RNF126: variants seen among roughly 807,000 people sequenced by gnomAD.
The protein encoded by RNF126 is ring finger protein 126.
In RNF126, 20 loss-of-function variants were observed where a neutral mutation model predicts 41.9. The ratio of observed to expected loss-of-function variants is 0.48; its 90% CI spans 0.34 to 0.69. The LOEUF is 0.69. Among genes scored for constraint, RNF126 ranks in the 30% least tolerant of loss-of-function variants. The pLI, the probability that RNF126 is intolerant of heterozygous loss-of-function variation, is 0.01. For missense variants in RNF126, 433 were observed against 460.6 expected (o/e 0.94, Z 0.55); for synonymous variants, 239 against 202.9 (o/e 1.18, Z -1.51).
intron 6 of RNF126, chr19:649,222 G>GGGGA (rs896158768): frequency 2.7e-5 from 7 of 255,524 alleles, no homozygotes; most frequent in African/African-American, 1.3e-4. Flanking sequence ...CAGCGGAATG[G>GGGGA]GGGGGGGGGC....
At position 659,658 on chromosome 19, in the gene RNF126, C is replaced by T. The variant is rs7245869; in HGVS notation, c.75+3389G>A. Among the ~76,000 whole-genome samples, 13,566 of 152,188 alleles carry T rather than the reference C, an allele frequency of 0.089. 1,116 individuals carry two copies. Among genetic ancestry groups the T allele is most frequent in the East Asian group, 0.44 (2,244 of 5,136 alleles). The stretch of plus-strand genomic sequence containing the variant: ...AGGCTCGAGTCTGGGTCTGCGCAGC[C>T]GCCTGTGGCCTGAGCTCCAGCTGGC... On this transcript the variant is annotated intron_variant, in intron 1 of 8. Coordinates refer to ENST00000292363, the MANE Select transcript of RNF126 (RefSeq NM_194460.3). This position sits in a 1 kb window ranked among gnomAD's most constrained non-coding sequence, Gnocchi z 4.9.
intron 2 of RNF126, 51 bp from the exon 3 acceptor site, chr19:652,347 G>C: frequency 6.9e-7 from 1 of 1,443,570 alleles, no homozygotes; most frequent in Non-Finnish European, 9.4e-7. Flanking sequence ...GCCCCCATGC[G>C]CCAGGCGCTC....
rs559335765 is a variant in RNF126 at position 651,488 on chromosome 19, C to T, written c.443+123G>A. The T allele has an allele frequency of 1.5e-4, 149 of 1,011,190 alleles. 1 individual carries two copies. The highest frequency in any genetic ancestry group is 4.1e-4 in the South Asian group (17 of 41,092). The allele number at this position is 1,011,190 out of a possible 1,614,324, so 62.6% of individuals were successfully genotyped here. A position where few individuals can be genotyped will look rare whatever the true frequency, so the allele number is the denominator to read the frequency against. ...CAGGGGGCTGGAGGGCCTGGCCGGG[C>T]GGCCTCTCCAGAGAGCCTATGGATG... is the stretch of plus-strand genomic sequence containing the variant. On this transcript the variant is annotated intron_variant, in intron 4 of 8. Coordinates refer to ENST00000292363, the MANE Select transcript of RNF126 (RefSeq NM_194460.3).
In RNF126 at chr19:648,010, C is replaced by T. The variant is rs528499741; in HGVS notation, c.*118G>A. 7.2e-6 allele frequency: 9 copies of T among 1,244,104 alleles called. No individual in the cohort carries two copies. The East Asian group carries it at 2.3e-4, about 32-fold the overall frequency. The allele number at this position is 1,244,104 out of a possible 1,614,324, so 77.1% of individuals were successfully genotyped here. A position where few individuals can be genotyped will look rare whatever the true frequency, so the allele number is the denominator to read the frequency against. ...GGTCCTGCCCTGGAACAGGCGGGAC[C>T]TGCAGCGCTGACCAGCCAAGCGTGG... is the stretch of plus-strand genomic sequence containing the variant. On this transcript the variant is annotated 3_prime_UTR_variant, in exon 9 of 9. Transcript: ENST00000292363.
At chr19:653,143 G>A (rs537386841) in intron 1 of RNF126, among the ~76,000 whole-genome samples, 25 of 149,944 alleles carry the variant, frequency 1.7e-4, no homozygotes, top group East Asian at 7.8e-4. Flanking sequence ...CGTCACCAGC[G>A]TCATCAGCGC....
intron 1 of RNF126, among the ~76,000 whole-genome samples, chr19:657,709 G>A (rs963024768): frequency 2.0e-5 from 3 of 152,196 alleles, no homozygotes; most frequent in African/African-American, 4.8e-5. Context: ...CAACTCCTGC[G>A]TATTGTCAGG....
At chr19:652,680 G>T in intron 2 of RNF126, 146 bp downstream of exon 2, 1 of 734,682 alleles carries the variant, frequency 1.4e-6, no homozygotes, top group African/African-American at 1.8e-5. Flanking sequence ...GCTGCTGTCT[G>T]CACAGAGAAA....
intron 1 of RNF126, among the ~76,000 whole-genome samples, chr19:662,610 G>A (rs1292562663): frequency 6.6e-6 from 1 of 152,104 alleles, no homozygotes; most frequent in African/African-American, 2.4e-5. Flanking sequence ...CTCGGGGTCC[G>A]AGCCCCGCCA....
At chr19:661,179 C>T (rs1245509904) in intron 1 of RNF126, among the ~76,000 whole-genome samples, 1 of 152,198 alleles carries the variant, frequency 6.6e-6, no homozygotes, top group Admixed American at 6.5e-5. Context: ...GGCCACGGGG[C>T]GAGGAAGTGG....
Position 649,550 on chromosome 19 carries a change from C to G in RNF126, c.576+129G>C. 2.8e-6 allele frequency: 2 copies of G among 703,182 alleles called. 1 individual carries two copies. The highest frequency in any genetic ancestry group is 3.6e-5 in the South Asian group (2 of 55,560). 43.6% of individuals were successfully genotyped at this position (703,182 alleles called of 1,614,324 possible). ...GAGCTGCCCCCTGTGCCCGCCAGAG[C>G]GTGGAGGCTGTGCCCGCATCCCCTT... On this transcript the variant is annotated intron_variant, in intron 6 of 8. Transcript: ENST00000292363.
In RNF126 at chr19:648,380, G is replaced by A; in HGVS notation, c.778C>T (p.Leu260=). ...GTGGGCGGGGCACTCACCTGCTCCA[G>A]CCAGGGCACGATGCAGCCGTCGTGG... The part of the protein sequence containing the change: ...LFHDGCIVPW[L]EQHDSCPVCR... Residue 260 remains leucine, a synonymous_variant, in exon 8 of 9, where the codon CTG becomes TTG. Coordinates refer to ENST00000292363, the MANE Select transcript of RNF126 (RefSeq NM_194460.3). 1.9e-6 allele frequency: 3 copies of A among 1,544,742 alleles called. No homozygotes were observed. The highest frequency in any genetic ancestry group is 2.6e-6 in the Non-Finnish European group (3 of 1,150,034).
chr19:662,892 G>C (rs1025416758), intron 1 of RNF126, among the ~76,000 whole-genome samples, 155 bp downstream of exon 1: 1 of 152,040 alleles, frequency 6.6e-6, no homozygotes, highest in Non-Finnish European at 1.5e-5. Flanking sequence ...GCTCCCCGCG[G>C]ATTCAGCCTG....
intron 1 of RNF126, among the ~76,000 whole-genome samples, chr19:654,137 T>C (rs1037046786): frequency 6.6e-6 from 1 of 152,200 alleles, no homozygotes; most frequent in Non-Finnish European, 1.5e-5. Flanking sequence ...CACCACGCCG[T>C]GCCTGCCTCA....
At position 659,582 on chromosome 19, in the gene RNF126, C is replaced by G. The variant is rs1176773426; in HGVS notation, c.75+3465G>C. 6.6e-6 allele frequency among the ~76,000 whole-genome samples: 1 copy of G among 152,162 alleles called. No homozygotes were observed. The highest frequency in any genetic ancestry group is 2.4e-5 in the African/African-American group (1 of 41,420). ...GTTCCTGGGGGCTCAGTGCCCTCAG[C>G]AGCTCTCGCCCACACCCTACAGTCA... On this transcript the variant is annotated intron_variant, in intron 1 of 8. Transcript: ENST00000292363. The surrounding 1 kb of genome is among the most constrained non-coding windows in gnomAD (Gnocchi z 4.9).
At chr19:652,498 C>T in intron 2 of RNF126, 2 of 598,588 alleles carry the variant, frequency 3.3e-6, no homozygotes, top group Non-Finnish European at 5.9e-6. Flanking sequence ...TAAACCGGTG[C>T]AGACCCCAAC....
Position 651,650 on chromosome 19 carries a change from C to T in RNF126, c.404G>A (p.Arg135Gln), listed in dbSNP as rs559561153. The T allele has an allele frequency of 1.1e-4, 170 of 1,513,722 alleles. 1 individual carries two copies. The highest frequency in any genetic ancestry group is 1.4e-4 in the Non-Finnish European group (153 of 1,131,662). The allele number at this position is 1,513,722 out of a possible 1,614,324, so 93.8% of individuals were successfully genotyped here. A position where few individuals can be genotyped will look rare whatever the true frequency, so the allele number is the denominator to read the frequency against. The change falls in exon 4 of 9, where the codon CGG becomes CAG. Residue 135 changes from arginine to glutamine, a missense_variant. Physicochemically the swap from Arg to Gln is conservative, Grantham distance 43. Transcript: ENST00000292363. ...GACGCCTTCGTGCCGGCCGGTGGCC[C>T]GCCGCGTGGTGAGGCGGGCGCGGGG... ...RQPRARLTTR[R>Q]ATGRHEGVPT... is the part of the protein sequence containing the mutation.
At position 656,771 on chromosome 19, in the gene RNF126, C is replaced by T. The variant is rs570171549; in HGVS notation, c.76-3887G>A. On this transcript the variant is annotated intron_variant, in intron 1 of 8. Transcript: ENST00000292363. ...GGCCGTGACAACTCTCCCCAGGCGT[C>T]GGTTCTTGGGGTGTGTTTGGGGTGT... Among the ~76,000 whole-genome samples, 658 of 152,288 alleles carry T rather than the reference C, an allele frequency of 4.3e-3. 7 individuals carry two copies. The highest frequency in any genetic ancestry group is 7.0e-3 in the Non-Finnish European group (473 of 68,008).
rs1463165318 is a variant in RNF126 at position 662,586 on chromosome 19, C to A, written c.75+461G>T. Among the ~76,000 whole-genome samples, 4 of 152,130 alleles carry A rather than the reference C, an allele frequency of 2.6e-5. No individual in the cohort carries two copies. In the East Asian group the frequency reaches 7.7e-4, roughly 29 times the overall value. Reference sequence around the variant, plus strand: ...CCCCAACCACGCGCTCGGCGGGGGTCCCCTGGCGTTATTCTCGGGGTCCGA... The same window carrying A: ...CCCCAACCACGCGCTCGGCGGGGGTACCCTGGCGTTATTCTCGGGGTCCGA... On this transcript the variant is annotated intron_variant, in intron 1 of 8. Transcript: ENST00000292363.
Position 647,855 on chromosome 19 carries a change from T to G in RNF126, c.*273A>C. 1 of 606,500 alleles carries G rather than the reference T, an allele frequency of 1.6e-6. No individual in the cohort carries two copies. Among genetic ancestry groups the G allele is most frequent in the East Asian group, 3.3e-5 (1 of 30,600 alleles). 37.6% of individuals were successfully genotyped at this position (606,500 alleles called of 1,614,324 possible). A position where few individuals can be genotyped will look rare whatever the true frequency, so the allele number is the denominator to read the frequency against. ...TTTCAAAGCAGTAATAATTTAAAAT[T>G]ATAAAAATCTTTCCACCGCTGAACG... On this transcript the variant is annotated 3_prime_UTR_variant, in exon 9 of 9. Coordinates refer to ENST00000292363, the MANE Select transcript of RNF126 (RefSeq NM_194460.3).
Sources: allele counts gnomAD v4.1 joint callset (sites outside exome capture counted in the v4.1 genomes callset), GRCh38; gene constraint gnomAD v4.1.1; non-coding constraint Gnocchi (gnomAD v3.1); transcripts MANE v1.5; gene names NCBI Gene and HGNC (gene_info 2026-07-23, HGNC 2026-07-21).